ZNF148: variants seen among roughly 807,000 people sequenced by gnomAD.
The protein encoded by ZNF148 is zinc finger protein 148, also known as Beta-Enolase Repressor Factor-1.
In ZNF148, 7 loss-of-function variants were observed where a neutral mutation model predicts 67.7. The observed-to-expected ratio is 0.10, with a 90% CI of 0.06 to 0.19. The LOEUF is 0.19. ZNF148 is among the 10% of genes least tolerant of loss of function. The probability of loss-of-function intolerance (pLI) is 1.00; values close to 1 mark genes in which losing one functional copy is unlikely to be tolerated. For missense variants in ZNF148, 583 were observed against 947.1 expected (o/e 0.62, Z 5.05); for synonymous variants, 333 against 330.7 (o/e 1.01, Z -0.08).
chr3:125,298,224 C>T (rs1939385631), intron 4 of ZNF148, among the ~76,000 whole-genome samples: 1 of 152,054 alleles, frequency 6.6e-6, no homozygotes, highest in African/African-American at 2.4e-5. Context: ...ATAGCAGTTA[C>T]ACGAGATGTT....
intron 1 of ZNF148, among the ~76,000 whole-genome samples, chr3:125,363,327 T>G (rs1378188634): frequency 2.0e-5 from 3 of 152,260 alleles, no homozygotes; most frequent in Non-Finnish European, 4.4e-5. Context: ...TATATAATTA[T>G]CAACTCTATG....
At chr3:125,271,299 A>C (rs897628864) in intron 7 of ZNF148, among the ~76,000 whole-genome samples, 1 of 152,114 alleles carries the variant, frequency 6.6e-6, no homozygotes, top group African/African-American at 2.4e-5. Flanking sequence ...CTTTCCTCAG[A>C]ATGGCCATTT....
At chr3:125,333,408 C>T (rs1187259071) in intron 1 of ZNF148, among the ~76,000 whole-genome samples, 1 of 152,190 alleles carries the variant, frequency 6.6e-6, no homozygotes, top group Non-Finnish European at 1.5e-5. Flanking sequence ...TGTAAACCCA[C>T]AATTTCCCCC....
chr3:125,277,873 T>G (rs558814892), intron 6 of ZNF148, 64 bp from the exon 7 acceptor site: 1,549 of 1,367,308 alleles, frequency 1.1e-3, no homozygotes, highest in Non-Finnish European at 1.5e-3. Flanking sequence ...AGTTACTGTT[T>G]CTGAGGAAAG....
intron 7 of ZNF148, among the ~76,000 whole-genome samples, chr3:125,246,012 A>T (rs989376623): frequency 1.3e-5 from 2 of 152,102 alleles, no homozygotes; most frequent in African/African-American, 4.8e-5. Context: ...CTTTCTTTCT[A>T]TTCCTAAACT....
chr3:125,273,360 A>G (rs539483943), intron 7 of ZNF148, among the ~76,000 whole-genome samples: 51 of 152,318 alleles, frequency 3.3e-4, no homozygotes, highest in African/African-American at 4.8e-5. Context: ...CAGTGTTTTT[A>G]TATTTTTACA....
At chr3:125,266,556 T>C (rs1192009604) in intron 7 of ZNF148, among the ~76,000 whole-genome samples, 2 of 152,134 alleles carry the variant, frequency 1.3e-5, no homozygotes, top group African/African-American at 2.4e-5. Flanking sequence ...CCAAAATCTA[T>C]AGAATGCAGC....
intron 1 of ZNF148, among the ~76,000 whole-genome samples, chr3:125,331,504 T>G (rs1302606029): frequency 1.3e-5 from 2 of 152,212 alleles, no homozygotes; most frequent in Non-Finnish European, 2.9e-5. Context: ...AGGATTAAGA[T>G]TTCTTTGAAG....
intron 1 of ZNF148, among the ~76,000 whole-genome samples, chr3:125,365,333 T>C (rs1942668206): frequency 6.6e-6 from 1 of 152,140 alleles, no homozygotes; most frequent in Non-Finnish European, 1.5e-5. Flanking sequence ...ACCCTCCTTC[T>C]CACATCCACC....
chr3:125,254,225 A>C (rs1397592348), intron 7 of ZNF148, among the ~76,000 whole-genome samples: 1 of 152,042 alleles, frequency 6.6e-6, no homozygotes, highest in Admixed American at 6.6e-5. Context: ...AGTGATGTAC[A>C]CATTTATGTT....
chr3:125,343,242 C>T (rs1049032056), intron 1 of ZNF148, among the ~76,000 whole-genome samples: 1 of 152,134 alleles, frequency 6.6e-6, no homozygotes, highest in African/African-American at 2.4e-5. Flanking sequence ...CGTGTCAAGG[C>T]TCACCTTGGA....
chr3:125,348,296 A>G (rs1172568181), intron 1 of ZNF148, among the ~76,000 whole-genome samples: 1 of 151,742 alleles, frequency 6.6e-6, no homozygotes, highest in African/African-American at 2.4e-5. Context: ...TTAAAGACCT[A>G]TAAGTAACAG....
chr3:125,304,459 T>C (rs1385613150), intron 4 of ZNF148, among the ~76,000 whole-genome samples: 2 of 152,190 alleles, frequency 1.3e-5, no homozygotes, highest in East Asian at 3.9e-4. Flanking sequence ...TCAAAGCACA[T>C]GTAGGAGGAG....
At position 125,350,867 on chromosome 3, in the gene ZNF148, G is replaced by C. The variant is rs567707162; in HGVS notation, c.-233-19629C>G. Among the ~76,000 whole-genome samples the C allele has an allele frequency of 6.9e-4, 105 of 152,106 alleles. 1 individual carries two copies. The highest frequency in any genetic ancestry group is 7.8e-4 in the Non-Finnish European group (53 of 68,018). ...TGGAACATTATTCATCCTTAAAGAA[G>C]GAAATTCTATAACGTTGACAACATG... On this transcript the variant is annotated intron_variant, in intron 1 of 8. Coordinates refer to ENST00000360647, the MANE Select transcript of ZNF148 (RefSeq NM_021964.3).
chr3:125,363,509 T>A (rs1942606916), intron 1 of ZNF148, among the ~76,000 whole-genome samples: 1 of 152,192 alleles, frequency 6.6e-6, no homozygotes, highest in Non-Finnish European at 1.5e-5. Flanking sequence ...GCCCTAGAGC[T>A]TTTCTTCAGT....
chr3:125,255,681 A>G (rs1937042723), intron 7 of ZNF148, among the ~76,000 whole-genome samples: 1 of 151,972 alleles, frequency 6.6e-6, no homozygotes. Context: ...TTTTAATTTT[A>G]CCTTCGTTTT....
At chr3:125,282,487 G>A (rs1938444408) in intron 5 of ZNF148, among the ~76,000 whole-genome samples, 2 of 151,984 alleles carry the variant, frequency 1.3e-5, no homozygotes, top group Non-Finnish European at 1.5e-5. Context: ...GGAGAAATAT[G>A]GTATATTACA....
intron 7 of ZNF148, among the ~76,000 whole-genome samples, chr3:125,258,231 G>A (rs1056635308): frequency 6.6e-6 from 1 of 151,800 alleles, no homozygotes; most frequent in Admixed American, 6.6e-5. Context: ...AACCATCCTG[G>A]CTAACACGGT....
intron 1 of ZNF148, among the ~76,000 whole-genome samples, chr3:125,371,356 CA>C (rs1236135101): frequency 4.9e-4 from 25 of 51,382 alleles, no homozygotes; most frequent in East Asian, 1.9e-3. Flanking sequence ...GACCCTGTTT[CA>C]AAAAAAAAAA....
Sources: allele counts gnomAD v4.1 joint callset (sites outside exome capture counted in the v4.1 genomes callset), GRCh38; gene constraint gnomAD v4.1.1; transcripts MANE v1.5; gene names NCBI Gene and HGNC (gene_info 2026-07-23, HGNC 2026-07-21).